PDE4D: variants seen among roughly 807,000 people sequenced by gnomAD.
PDE4D encodes the protein phosphodiesterase 4D.
A neutral mutation model predicts 87.4 loss-of-function variants in PDE4D; 24 were observed. The observed-to-expected ratio is 0.27, with a 90% CI of 0.20 to 0.39. The LOEUF (loss-of-function observed/expected upper bound fraction) is 0.39. Among genes scored for constraint, PDE4D ranks in the 10% least tolerant of loss-of-function variants. The probability of loss-of-function intolerance (pLI) is 1.00; values close to 1 mark genes in which losing one functional copy is unlikely to be tolerated. For missense variants in PDE4D, 714 were observed against 1,041.0 expected (o/e 0.69, Z 4.32); for synonymous variants, 384 against 383.2 (o/e 1.00, Z -0.02).
intron 1 of PDE4D, among the ~76,000 whole-genome samples, chr5:60,389,626 T>C (rs1762433526): frequency 6.6e-6 from 1 of 152,172 alleles, no homozygotes; most frequent in Non-Finnish European, 1.5e-5. Context: ...TAATGTCGGC[T>C]GGAATTGCTT....
At chr5:59,550,392 T>C (rs185999719) in intron 1 of PDE4D, among the ~76,000 whole-genome samples, 143 of 152,286 alleles carry the variant, frequency 9.4e-4, no homozygotes, top group African/African-American at 3.3e-3. Context: ...GGATAAATTC[T>C]TCAAAGTAAA....
At chr5:59,271,055 A>G (rs901916370) in intron 1 of PDE4D, among the ~76,000 whole-genome samples, 1 of 149,984 alleles carries the variant, frequency 6.7e-6, no homozygotes, top group Non-Finnish European at 1.5e-5. Context: ...TTTTTTTTAA[A>G]TTGAGACAGA....
chr5:59,416,036 G>T (rs1329918955), intron 1 of PDE4D, among the ~76,000 whole-genome samples: 1 of 152,196 alleles, frequency 6.6e-6, no homozygotes, highest in Non-Finnish European at 1.5e-5. Context: ...TGACTGAGGA[G>T]AATGCCAACA....
At chr5:59,803,228 G>A (rs1561686944) in intron 1 of PDE4D, among the ~76,000 whole-genome samples, 1 of 152,066 alleles carries the variant, frequency 6.6e-6, no homozygotes, top group East Asian at 1.9e-4. Flanking sequence ...TCACCTGGGA[G>A]CTCATTAGAC....
At chr5:59,898,263 A>G (rs1259807089), upstream of PDE4D, among the ~76,000 whole-genome samples, 3 of 152,220 alleles carry the variant, frequency 2.0e-5, no homozygotes, top group Non-Finnish European at 4.4e-5. Context: ...TTGTCAGCTC[A>G]AGGTAAAAAT....
chr5:59,202,125 C>T (rs948069885), intron 2 of PDE4D, among the ~76,000 whole-genome samples: 34 of 147,652 alleles, frequency 2.3e-4, no homozygotes, highest in African/African-American at 5.5e-4. Flanking sequence ...CTGCAAGCTC[C>T]GCCTCCCGGG....
At chr5:58,984,608 A>T (rs755722185) in intron 11 of PDE4D, among the ~76,000 whole-genome samples, 61 of 152,186 alleles carry the variant, frequency 4.0e-4, no homozygotes, top group Non-Finnish European at 7.4e-4. Context: ...TCAAAATAAA[A>T]GTAGAGAAAT....
At chr5:59,316,259 T>G (rs1009880007) in intron 1 of PDE4D, among the ~76,000 whole-genome samples, 8 of 152,164 alleles carry the variant, frequency 5.3e-5, no homozygotes. Context: ...AGACATAAGA[T>G]TCATGAAATT....
intron 3 of PDE4D, among the ~76,000 whole-genome samples, chr5:59,937,978 T>C (rs1756783873): frequency 6.6e-6 from 1 of 152,216 alleles, no homozygotes; most frequent in African/African-American, 2.4e-5. Context: ...TTATTGTGAT[T>C]TCTTGTTTAA....
At chr5:59,438,298 T>A (rs1797079466) in intron 1 of PDE4D, among the ~76,000 whole-genome samples, 1 of 152,170 alleles carries the variant, frequency 6.6e-6, no homozygotes, top group Admixed American at 6.5e-5. Context: ...CACCATCATT[T>A]ACTGCTTTTT....
intron 1 of PDE4D, among the ~76,000 whole-genome samples, chr5:59,326,406 A>G (rs985151098): frequency 2.6e-5 from 4 of 152,034 alleles, no homozygotes. Flanking sequence ...CCTCTCTGTG[A>G]TTCTGGAGCC....
chr5:59,094,460 T>C (rs1382964372), intron 5 of PDE4D, among the ~76,000 whole-genome samples: 3 of 151,466 alleles, frequency 2.0e-5, no homozygotes, highest in African/African-American at 2.4e-5. Flanking sequence ...ACAGAGAAAA[T>C]AGAGGGCATA....
intron 1 of PDE4D, among the ~76,000 whole-genome samples, chr5:59,625,807 G>A (rs766277637): frequency 1.2e-4 from 19 of 152,294 alleles, no homozygotes; most frequent in Admixed American, 2.6e-4. Flanking sequence ...ATGACTGGGC[G>A]CGGTGGCTCA....
chr5:59,984,901 G>C lies in PDE4D; in HGVS notation c.272+3587C>G, dbSNP rs185391537. On this transcript the variant is annotated intron_variant, in intron 3 of 16. Transcript: ENST00000502484. ...ATAAATCTGGAGGGCATGAAAAGTC[G>C]CCTTGACCATCAAAGATTTGCAATT... is the stretch of plus-strand genomic sequence containing the variant. Among the ~76,000 whole-genome samples the C allele has an allele frequency of 3.9e-5, 6 of 152,106 alleles. No homozygotes were observed. The East Asian group carries it at 9.7e-4, about 25-fold the overall frequency.
At chr5:59,363,274 T>C (rs1782514071) in intron 1 of PDE4D, among the ~76,000 whole-genome samples, 1 of 152,154 alleles carries the variant, frequency 6.6e-6, no homozygotes. Flanking sequence ...TTTTAGGGTA[T>C]ACTATATATT....
chr5:59,388,690 T>G, intron 1 of PDE4D, among the ~76,000 whole-genome samples: 1 of 136,726 alleles, frequency 7.3e-6, no homozygotes, highest in Non-Finnish European at 1.6e-5. Flanking sequence ...AAGAAGGAAA[T>G]CCATAATAAC....
At chr5:59,617,821 G>C (rs1829889132) in intron 1 of PDE4D, among the ~76,000 whole-genome samples, 1 of 152,074 alleles carries the variant, frequency 6.6e-6, no homozygotes, top group South Asian at 2.1e-4. Flanking sequence ...CTAGTACTTT[G>C]TTTCAGCAGA....
intron 6 of PDE4D, among the ~76,000 whole-genome samples, chr5:59,036,861 A>G (rs1367256782): frequency 6.6e-6 from 1 of 152,208 alleles, no homozygotes; most frequent in Non-Finnish European, 1.5e-5. Context: ...TTCAGCCACA[A>G]GACATAAACA....
At chr5:59,415,016 G>A (rs557571681) in intron 1 of PDE4D, among the ~76,000 whole-genome samples, 67 of 152,298 alleles carry the variant, frequency 4.4e-4, no homozygotes, top group South Asian at 3.5e-3. Context: ...AGCATCCAGA[G>A]GGCATAATGT....
Sources: gnomAD v4.1 joint callset for allele counts (sites outside exome capture counted in the v4.1 genomes callset) on GRCh38, gnomAD v4.1.1 for gene constraint, MANE v1.5 for transcripts, NCBI Gene and HGNC (gene_info 2026-07-23, HGNC 2026-07-21) for gene names.